The following SLC66A1 variants were observed in gnomAD, a reference collection of about 807,000 sequenced individuals.
SLC66A1 encodes the protein lysosomal amino acid transporter 1 homolog.
SLC66A1 carries 23 observed loss-of-function variants against 33.0 expected under a neutral mutation model. The observed-to-expected ratio is 0.70, with a 90% CI of 0.50 to 0.99. SLC66A1 has a LOEUF of 0.99. Ranked by LOEUF, SLC66A1 falls within the 50% of genes least tolerant of loss-of-function variation. The pLI is 0.00. For missense variants in SLC66A1, 335 were observed against 383.6 expected (o/e 0.87, Z 1.06); for synonymous variants, 164 against 175.5 (o/e 0.93, Z 0.52).
Position 19,327,250 on chromosome 1 carries a change from G to C in SLC66A1, c.642G>C (p.Gly214=). 1 of 1,613,906 alleles carries C rather than the reference G, an allele frequency of 6.2e-7. No individual in the cohort carries two copies. The highest frequency in any genetic ancestry group is 8.5e-7 in the Non-Finnish European group (1 of 1,179,898). The change falls in exon 7 of 8, where the codon GGG becomes GGC. Residue 214 remains glycine, a synonymous_variant. Transcript: ENST00000375153. ...AGTTCCTCCGGAAGTCCACCCAGGG[G>C]ATCTCCTACTCTCTGTTCGCGCTGG... The part of the protein sequence containing the change: ...RTNFLRKSTQ[G]ISYSLFALVM...
At chr1:19,324,601 A>G in intron 2 of SLC66A1, 32 bp from the exon 3 acceptor site, 1 of 1,613,442 alleles carries the variant, frequency 6.2e-7, no homozygotes, top group Non-Finnish European at 8.5e-7. Flanking sequence ...AGGTGGCCTG[A>G]GCATGCATCC....
chr1:19,321,548 G>A (rs1016605217), intron 2 of SLC66A1, among the ~76,000 whole-genome samples: 1 of 147,568 alleles, frequency 6.8e-6, no homozygotes, highest in Non-Finnish European at 1.5e-5. Flanking sequence ...TAAATGATGT[G>A]AAGTAGGAGT....
In SLC66A1 at chr1:19,325,488, C is replaced by G. The variant is rs1169908060; in HGVS notation, c.295-7C>G. 1 of 1,595,434 alleles carries G rather than the reference C, an allele frequency of 6.3e-7. No homozygotes were observed. The highest frequency in any genetic ancestry group is 1.7e-5 in the Admixed American group (1 of 59,966). ...GCCAACCCCTGGGCCCCCTGCATCT[C>G]TTACAGACCTACACGGCTGTGTATT... On this transcript the variant is annotated splice_region_variant and splice_polypyrimidine_tract_variant and intron_variant, in intron 3 of 7. Transcript: ENST00000375153.
chr1:19,317,499 C>T lies in SLC66A1; in HGVS notation c.-78-101C>T, dbSNP rs989642422. On this transcript the variant is annotated intron_variant, in intron 1 of 7. Coordinates refer to ENST00000375153, the MANE Select transcript of SLC66A1 (RefSeq NM_001040125.2). ...TCTTTGCCCTTCTCTGGCTCAGGGCCAGGAGCCCCGTGAAAAGGCTGGGAT... is the reference window on the plus strand; with the variant it reads ...TCTTTGCCCTTCTCTGGCTCAGGGCTAGGAGCCCCGTGAAAAGGCTGGGAT... The T allele has an allele frequency of 5.9e-6, 8 of 1,366,484 alleles. No individual in the cohort carries two copies. The African/African-American group carries it at 1.2e-4, about 20-fold the overall frequency. The allele number at this position is 1,366,484 out of a possible 1,614,324, so 84.6% of individuals were successfully genotyped here. A position where few individuals can be genotyped will look rare whatever the true frequency, so the allele number is the denominator to read the frequency against.
intron 1 of SLC66A1, 105 bp from the exon 2 acceptor site, chr1:19,317,494 AG>A: frequency 7.4e-7 from 1 of 1,345,324 alleles, no homozygotes; most frequent in Non-Finnish European, 9.8e-7. Flanking sequence ...TCTCTGGCTC[AG>A]GGCCAGGAGC....
At chr1:19,323,399 C>A (rs779618087) in intron 2 of SLC66A1, among the ~76,000 whole-genome samples, 37 of 151,808 alleles carry the variant, frequency 2.4e-4, no homozygotes, top group Non-Finnish European at 4.1e-4. Context: ...TAGTTAGTTT[C>A]TTTGTTTCTT....
chr1:19,326,034 C>A (rs764728262), intron 4 of SLC66A1, among the ~76,000 whole-genome samples: 1 of 152,204 alleles, frequency 6.6e-6, no homozygotes, highest in African/African-American at 2.4e-5. Context: ...CTCCTGACCT[C>A]CCTGCCCTCA....
chr1:19,326,002 C>T (rs1370418846), intron 4 of SLC66A1, among the ~76,000 whole-genome samples: 1 of 152,224 alleles, frequency 6.6e-6, no homozygotes, highest in Non-Finnish European at 1.5e-5. Flanking sequence ...GTCTCATCAG[C>T]GTTCCTGCTT....
chr1:19,317,556 C>A, intron 1 of SLC66A1, 44 bp from the exon 2 acceptor site: 1 of 1,496,752 alleles, frequency 6.7e-7, no homozygotes. Flanking sequence ...TGAATAGGAC[C>A]TGGACCTCCC....
rs116779670 is a variant in SLC66A1 at position 19,317,993 on chromosome 1, T to G, written c.164+152T>G. 537 of 1,231,466 alleles carry G rather than the reference T, an allele frequency of 4.4e-4. 2 individuals are homozygous for G. The African/African-American group carries it at 7.5e-3, about 17-fold the overall frequency. The allele number at this position is 1,231,466 out of a possible 1,614,324, so 76.3% of individuals were successfully genotyped here. A position where few individuals can be genotyped will look rare whatever the true frequency, so the allele number is the denominator to read the frequency against. On this transcript the variant is annotated intron_variant, in intron 2 of 7. Transcript: ENST00000375153. Reference sequence around the variant, plus strand: ...TCCCTCGACAGGGACCTGCACTGATTGCTACCGCAGGTCAGACCTAGTGCT... The same window carrying G: ...TCCCTCGACAGGGACCTGCACTGATGGCTACCGCAGGTCAGACCTAGTGCT...
intron 7 of SLC66A1, chr1:19,327,791 G>T (rs561567674): frequency 7.3e-5 from 28 of 381,268 alleles, no homozygotes; most frequent in South Asian, 4.7e-4. Context: ...GGCAGCAAAG[G>T]CCCCTATAAG....
chr1:19,325,587 G>A lies in SLC66A1; in HGVS notation c.382+5G>A. The A allele has an allele frequency of 6.6e-7, 1 of 1,522,124 alleles. No homozygotes were observed. 94.3% of individuals were successfully genotyped at this position (1,522,124 alleles called of 1,614,324 possible). On this transcript the variant is annotated splice_donor_5th_base_variant and intron_variant, in intron 4 of 7. Transcript: ENST00000375153. ...TCAGGACGCGCCCCTCTCTGTGTGA[G>A]TATGGGGACCGCTCTCTGTCAGATG...
At chr1:19,325,646 G>T (rs989223105) in intron 4 of SLC66A1, 64 bp downstream of exon 4, 24 of 1,271,956 alleles carry the variant, frequency 1.9e-5, no homozygotes, top group Admixed American at 5.8e-5. Flanking sequence ...TGTGGGGGGG[G>T]GCGCCTGGAG....
downstream of SLC66A1, among the ~76,000 whole-genome samples, chr1:19,329,942 C>T (rs536373485): frequency 9.2e-4 from 140 of 152,108 alleles, no homozygotes; most frequent in Middle Eastern, 6.8e-3. Flanking sequence ...AGCTGAGCTC[C>T]GAGTGCTTCC....
intron 2 of SLC66A1, among the ~76,000 whole-genome samples, chr1:19,319,985 C>G (rs2093826197): frequency 1.3e-5 from 2 of 150,666 alleles, no homozygotes; most frequent in South Asian, 2.1e-4. Context: ...CAGCCTCTGC[C>G]TGGCGTGCTC....
chr1:19,327,860 T>C (rs901331848), intron 7 of SLC66A1: 3 of 334,254 alleles, frequency 9.0e-6, no homozygotes, highest in African/African-American at 6.5e-5. Context: ...AGGAGAGGAA[T>C]GTTCTAGGCT....
chr1:19,327,503 CCCTT>C (rs1206570189), intron 7 of SLC66A1, 91 bp downstream of exon 7: 95 of 1,435,262 alleles, frequency 6.6e-5, no homozygotes, highest in Non-Finnish European at 8.4e-5. Context: ...GTCTCTTCCT[CCCTT>C]CATCCATCCG....
Position 19,326,481 on chromosome 1 carries a change from G to A in SLC66A1, c.526-50G>A, listed in dbSNP as rs765857812. ...CTCATGGGTGCTAAATGGGGTGGGG[G>A]ATCACCTCTGGCTCCTACGAGACAC... On this transcript the variant is annotated intron_variant, in intron 5 of 7. Coordinates refer to ENST00000375153, the MANE Select transcript of SLC66A1 (RefSeq NM_001040125.2). 1.9e-6 allele frequency: 3 copies of A among 1,613,568 alleles called. No individual in the cohort carries two copies. The South Asian group carries it at 3.3e-5, about 18-fold the overall frequency.
At chr1:19,333,922 A>AC (rs1308509904), downstream of SLC66A1, among the ~76,000 whole-genome samples, 1 of 151,632 alleles carries the variant, frequency 6.6e-6, no homozygotes, top group African/African-American at 2.4e-5. This position sits in a 1 kb window ranked among gnomAD's most constrained non-coding sequence, Gnocchi z 4.2. Context: ...ACAAAACAAA[A>AC]CAAAACAAAA....
Sources: allele counts gnomAD v4.1 joint callset (sites outside exome capture counted in the v4.1 genomes callset), GRCh38; gene constraint gnomAD v4.1.1; non-coding constraint Gnocchi (gnomAD v3.1); transcripts MANE v1.5; gene names NCBI Gene and HGNC (gene_info 2026-07-23, HGNC 2026-07-21).